Variants in NAA50 observed in about 807,000 individuals in gnomAD.
The protein encoded by NAA50 is N-alpha-acetyltransferase 50, NatE catalytic subunit.
A neutral mutation model predicts 20.7 loss-of-function variants in NAA50; 7 were observed. The observed-to-expected ratio is 0.34, with a 90% CI of 0.19 to 0.63. The LOEUF (loss-of-function observed/expected upper bound fraction) is 0.63, where lower values mean the gene tolerates loss of function less well. NAA50 is among the 30% of genes least tolerant of loss of function. The pLI, the probability that NAA50 is intolerant of heterozygous loss-of-function variation, is 0.75. For missense variants in NAA50, 111 were observed against 199.1 expected, an observed-to-expected ratio of 0.56 and a Z score of 2.66; for synonymous variants, 54 against 70.6, an observed-to-expected ratio of 0.77 and a Z score of 1.18.
In NAA50 at chr3:113,720,057, G is replaced by A. The variant is rs1708115167; in HGVS notation, c.*1703C>T. The A allele has an allele frequency of 6.6e-6, 1 of 152,552 alleles. No individual in the cohort carries two copies. The highest frequency in any genetic ancestry group is 1.5e-5 in the Non-Finnish European group (1 of 68,010). The allele number at this position is 152,552 out of a possible 1,614,324, so 9.4% of individuals were successfully genotyped here. ...ACGAATACCCCCAAAAAACCAGCAAGGTCTTTCTACATTTTTACCATCTTA... is the reference window on the plus strand; with the variant it reads ...ACGAATACCCCCAAAAAACCAGCAAAGTCTTTCTACATTTTTACCATCTTA... On this transcript the variant is annotated 3_prime_UTR_variant, in exon 5 of 5. Coordinates refer to ENST00000240922, the MANE Select transcript of NAA50 (RefSeq NM_025146.4).
chr3:113,746,218 C>T lies in NAA50; in HGVS notation c.-269G>A, dbSNP rs894874593. The T allele has an allele frequency of 8.7e-5, 43 of 491,848 alleles. No homozygotes were observed. Among genetic ancestry groups the T allele is most frequent in the Non-Finnish European group, 1.4e-4 (40 of 279,542 alleles). 30.5% of individuals were successfully genotyped at this position (491,848 alleles called of 1,614,324 possible). On this transcript the variant is annotated 5_prime_UTR_variant, in exon 1 of 5. Coordinates refer to ENST00000240922, the MANE Select transcript of NAA50 (RefSeq NM_025146.4). Reference sequence around the variant, plus strand: ...CTCGGCTCCCTCCCGCCGCTGCCGCCAGCCAGACCCGCTGCCGCGCTGTGA... The same window carrying T: ...CTCGGCTCCCTCCCGCCGCTGCCGCTAGCCAGACCCGCTGCCGCGCTGTGA...
At chr3:113,745,677 C>T in intron 1 of NAA50, 1 of 468,798 alleles carries the variant, frequency 2.1e-6, no homozygotes, top group African/African-American at 2.0e-5. Flanking sequence ...CACTCGGTCG[C>T]TTCTCCCCAC....
intron 1 of NAA50, among the ~76,000 whole-genome samples, chr3:113,744,216 C>T (rs920024199): frequency 6.6e-6 from 1 of 152,182 alleles, no homozygotes. Flanking sequence ...AATCCCAGCA[C>T]TTTGGGAGGC....
chr3:113,746,094 G>C lies in NAA50; in HGVS notation c.-145C>G. On this transcript the variant is annotated 5_prime_UTR_variant, in exon 1 of 5. Coordinates refer to ENST00000240922, the MANE Select transcript of NAA50 (RefSeq NM_025146.4). ...GGCAGGGAGCTGTGCGAGCAACGAAGGCCGCGAGAGTCGAGTGAGGGCTTG... is the reference window on the plus strand; with the variant it reads ...GGCAGGGAGCTGTGCGAGCAACGAACGCCGCGAGAGTCGAGTGAGGGCTTG... The C allele has an allele frequency of 1.9e-6, 2 of 1,063,392 alleles. No homozygotes were observed. The highest frequency in any genetic ancestry group is 1.5e-5 in the South Asian group (1 of 66,990). 65.9% of individuals were successfully genotyped at this position (1,063,392 alleles called of 1,614,324 possible).
intron 1 of NAA50, among the ~76,000 whole-genome samples, chr3:113,739,118 CAAAGTA>C (rs1334920291): frequency 2.0e-5 from 3 of 152,068 alleles, no homozygotes; most frequent in African/African-American, 7.2e-5. Context: ...ACCTAATCAG[CAAAGTA>C]AAAGTAGAGT....
rs564983676 is a variant in NAA50 at position 113,723,411 on chromosome 3, C to T, written c.265+11G>A. On this transcript the variant is annotated intron_variant, in intron 3 of 4. Transcript: ENST00000240922. ...CTTCTCTGAAGAAGTAAAAAAACCA[C>T]AATTTTTTACCTATTCCTAGCCTTC... The T allele has an allele frequency of 1.5e-5, 24 of 1,594,700 alleles. No homozygotes were observed. In the Admixed American group the frequency reaches 4.1e-4, roughly 27 times the overall value.
chr3:113,721,506 C>A lies in NAA50; in HGVS notation c.*254G>T. ...GTTTAGGACCATCTAACTTCAACTG[C>A]AAAACTAAACAGATCTACCTTGTCC... is the stretch of plus-strand genomic sequence containing the variant. On this transcript the variant is annotated 3_prime_UTR_variant, in exon 5 of 5. Coordinates refer to ENST00000240922, the MANE Select transcript of NAA50 (RefSeq NM_025146.4). The A allele has an allele frequency of 1.2e-5, 6 of 497,186 alleles. No individual in the cohort carries two copies. Among genetic ancestry groups the A allele is most frequent in the South Asian group, 1.0e-4 (4 of 38,610 alleles). 30.8% of individuals were successfully genotyped at this position (497,186 alleles called of 1,614,324 possible). A position where few individuals can be genotyped will look rare whatever the true frequency, so the allele number is the denominator to read the frequency against.
chr3:113,733,520 ATTGTTTAAAAAATCC>A (rs1443888270), intron 1 of NAA50, among the ~76,000 whole-genome samples: 2 of 152,126 alleles, frequency 1.3e-5, no homozygotes, highest in Admixed American at 1.3e-4. Context: ...AGGTATTGTA[ATTGTTTAAAAAATCC>A]TTCTCTGTTA....
Position 113,719,844 on chromosome 3 carries a change from T to C in NAA50, c.*1916A>G, listed in dbSNP as rs573583601. ...AGGCAGTGTCATCTCAGAAAACCAT[T>C]TATATATCAAAGTCTATTTTGATAT... On this transcript the variant is annotated 3_prime_UTR_variant, in exon 5 of 5. Transcript: ENST00000240922. 2.0e-5 allele frequency: 3 copies of C among 152,746 alleles called. No individual in the cohort carries two copies. In the South Asian group the frequency reaches 6.2e-4, roughly 32 times the overall value. The allele number at this position is 152,746 out of a possible 1,614,324, so 9.5% of individuals were successfully genotyped here.
chr3:113,740,505 T>G (rs1302640706), intron 1 of NAA50, among the ~76,000 whole-genome samples: 1 of 148,334 alleles, frequency 6.7e-6, no homozygotes, highest in African/African-American at 2.5e-5. Context: ...TAGCTGGGAC[T>G]ACAGGCACAC....
rs541911182 is a variant in NAA50 at position 113,717,037 on chromosome 3, G to A, written c.*4723C>T. The A allele has an allele frequency of 2.0e-5, 3 of 152,168 alleles. No homozygotes were observed. The highest frequency in any genetic ancestry group is 7.2e-5 in the African/African-American group (3 of 41,512). The allele number at this position is 152,168 out of a possible 1,614,324, so 9.4% of individuals were successfully genotyped here. A position where few individuals can be genotyped will look rare whatever the true frequency, so the allele number is the denominator to read the frequency against. ...AAGGAAAATACCTTGATTCATTCTA[G>A]ATAGAAAACATTTTACTGGCCAGGC... is the stretch of plus-strand genomic sequence containing the variant. On this transcript the variant is annotated 3_prime_UTR_variant, in exon 5 of 5. Coordinates refer to ENST00000240922, the MANE Select transcript of NAA50 (RefSeq NM_025146.4).
At chr3:113,723,882 TC>T in intron 2 of NAA50, 76 bp downstream of exon 2, 1 of 1,416,796 alleles carries the variant, frequency 7.1e-7, no homozygotes, top group Non-Finnish European at 9.4e-7. Context: ...GTTAACTTCT[TC>T]TGCTCTATAA....
intron 1 of NAA50, among the ~76,000 whole-genome samples, chr3:113,735,517 C>T (rs1002151879): frequency 1.3e-5 from 2 of 152,156 alleles, no homozygotes; most frequent in South Asian, 2.1e-4. Context: ...ATGATCACAA[C>T]GGATCATGAA....
intron 2 of NAA50, 80 bp from the exon 3 acceptor site, chr3:113,723,621 C>T: frequency 7.3e-7 from 1 of 1,375,534 alleles, no homozygotes. Context: ...AAGGACTACA[C>T]TGTTCCTATC....
chr3:113,732,075 G>A (rs1226793513), intron 1 of NAA50, among the ~76,000 whole-genome samples: 1 of 152,062 alleles, frequency 6.6e-6, no homozygotes, highest in Non-Finnish European at 1.5e-5. Context: ...CCCAACCAAA[G>A]GATGTACATG....
chr3:113,716,622 A>C lies in NAA50; in HGVS notation c.*5138T>G, dbSNP rs1708052558. 6.6e-6 allele frequency: 1 copy of C among 152,248 alleles called. No individual in the cohort carries two copies. The highest frequency in any genetic ancestry group is 2.4e-5 in the African/African-American group (1 of 41,462). 9.4% of individuals were successfully genotyped at this position (152,248 alleles called of 1,614,324 possible). ...GGACAAAGAAACAAAGAAAAGCATT[A>C]TAATCAGATGTCCTACGAAAGCTAC... is the stretch of plus-strand genomic sequence containing the variant. On this transcript the variant is annotated 3_prime_UTR_variant, in exon 5 of 5. Coordinates refer to ENST00000240922, the MANE Select transcript of NAA50 (RefSeq NM_025146.4).
chr3:113,745,024 T>C (rs1708470554), intron 1 of NAA50, among the ~76,000 whole-genome samples: 1 of 152,250 alleles, frequency 6.6e-6, no homozygotes, highest in African/African-American at 2.4e-5. Flanking sequence ...TTAACGTTTA[T>C]GAGCTTCATC....
rs1302834165 is a variant in NAA50, at chr3:113,718,830, G to T, written c.*2930C>A. ...GCAAGTCACAGAAGATCTGAATTAG[G>T]ATGCCTTAATTACACTTGGCCTATT... On this transcript the variant is annotated 3_prime_UTR_variant, in exon 5 of 5. Transcript: ENST00000240922. 6.6e-6 allele frequency: 1 copy of T among 152,508 alleles called. No homozygotes were observed. Among genetic ancestry groups the T allele is most frequent in the Non-Finnish European group, 1.5e-5 (1 of 68,026 alleles). The allele number at this position is 152,508 out of a possible 1,614,324, so 9.4% of individuals were successfully genotyped here.
chr3:113,737,512 G>A lies in NAA50; in HGVS notation c.8+8430C>T, dbSNP rs192875379. ...TCTACCTCATATGAACTATATTACC[G>A]TTTCTGTCCTTACAAGGCACCTCTG... On this transcript the variant is annotated intron_variant, in intron 1 of 4. Transcript: ENST00000240922. 7.9e-5 allele frequency among the ~76,000 whole-genome samples: 12 copies of A among 152,144 alleles called. No homozygotes were observed. In the East Asian group the frequency reaches 1.7e-3, roughly 22 times the overall value.
Sources: gnomAD v4.1 joint callset for allele counts (sites outside exome capture counted in the v4.1 genomes callset) on GRCh38, gnomAD v4.1.1 for gene constraint, MANE v1.5 for transcripts, NCBI Gene and HGNC (gene_info 2026-07-23, HGNC 2026-07-21) for gene names.